Variants in MAN1A1 observed in about 807,000 individuals in gnomAD.
MAN1A1 encodes mannosyl-oligosaccharide 1,2-alpha-mannosidase IA.
Under a neutral mutation model 70.8 loss-of-function variants are expected in MAN1A1, and 29 were observed. That is an observed-to-expected ratio of 0.41 (90% confidence interval 0.31 to 0.56). The LOEUF is 0.56. Among genes scored for constraint, MAN1A1 ranks in the 20% least tolerant of loss-of-function variants. The probability of loss-of-function intolerance (pLI) is 0.29; values close to 1 mark genes in which losing one functional copy is unlikely to be tolerated. For synonymous variants in MAN1A1, 349 were observed against 330.1 expected (o/e 1.06, Z -0.62); for missense variants, 747 against 841.3 (o/e 0.89, Z 1.39).
chr6:119,235,534 G>A (rs1261749421), intron 6 of MAN1A1, among the ~76,000 whole-genome samples: 2 of 152,160 alleles, frequency 1.3e-5, no homozygotes, highest in African/African-American at 4.8e-5. Context: ...AGCAGAGGTT[G>A]GTTCATGAAG....
intron 7 of MAN1A1, among the ~76,000 whole-genome samples, chr6:119,202,875 C>T (rs1773752410): frequency 6.6e-6 from 1 of 152,128 alleles, no homozygotes; most frequent in East Asian, 1.9e-4. Flanking sequence ...TATGCTGAAA[C>T]CCTACTTCCC....
chr6:119,320,090 C>G (rs1772966242), intron 2 of MAN1A1, among the ~76,000 whole-genome samples: 1 of 152,124 alleles, frequency 6.6e-6, no homozygotes, highest in South Asian at 2.1e-4. Context: ...TCTTCTGCTT[C>G]AGCCTCCCAA....
intron 11 of MAN1A1, among the ~76,000 whole-genome samples, chr6:119,187,322 C>T (rs1369863073): frequency 6.6e-6 from 1 of 152,076 alleles, no homozygotes; most frequent in Non-Finnish European, 1.5e-5. Flanking sequence ...CAAAACAATT[C>T]CCTATCACCA....
chr6:119,185,939 G>A (rs1379146142), intron 11 of MAN1A1, among the ~76,000 whole-genome samples: 2 of 151,008 alleles, frequency 1.3e-5, no homozygotes, highest in Non-Finnish European at 2.9e-5. Flanking sequence ...GAGAAGAGAG[G>A]TTCACACTAT....
intron 4 of MAN1A1, among the ~76,000 whole-genome samples, chr6:119,294,136 G>A (rs1772132211): frequency 6.6e-6 from 1 of 151,750 alleles, no homozygotes; most frequent in Non-Finnish European, 1.5e-5. Context: ...ATTTCTCAAG[G>A]GCTTAAAAAT....
intron 5 of MAN1A1, among the ~76,000 whole-genome samples, chr6:119,274,125 T>C (rs1292472399): frequency 6.6e-6 from 1 of 152,216 alleles, no homozygotes; most frequent in Non-Finnish European, 1.5e-5. Flanking sequence ...AGTTTAATCT[T>C]AGAAGCACTG....
chr6:119,244,544 A>G (rs1044553493), intron 6 of MAN1A1, among the ~76,000 whole-genome samples: 4 of 152,092 alleles, frequency 2.6e-5, no homozygotes, highest in Admixed American at 1.3e-4. Context: ...AAGACAATTA[A>G]AATTTTTTTT....
At chr6:119,270,597 T>C (rs1164488156) in intron 5 of MAN1A1, among the ~76,000 whole-genome samples, 1 of 152,184 alleles carries the variant, frequency 6.6e-6, no homozygotes, top group Non-Finnish European at 1.5e-5. Flanking sequence ...TTGGACATCA[T>C]ACAGTATTTA....
chr6:119,317,493 C>A (rs1260028496), intron 2 of MAN1A1, among the ~76,000 whole-genome samples: 1 of 152,114 alleles, frequency 6.6e-6, no homozygotes, highest in Non-Finnish European at 1.5e-5. Context: ...ATATTGTAGC[C>A]ATGTTACTTC....
In MAN1A1 at chr6:119,193,901, A is replaced by G. The variant is rs759048839; in HGVS notation, c.1211-9T>C. 7 of 1,557,600 alleles carry G rather than the reference A, an allele frequency of 4.5e-6. No individual in the cohort carries two copies. The highest frequency in any genetic ancestry group is 6.2e-6 in the Non-Finnish European group (7 of 1,131,282). The stretch of plus-strand genomic sequence containing the variant: ...TCCAACTGATACATGATCTGGAAAG[A>G]GAGGGAAATGAATTTTAGAGTGATT... On this transcript the variant is annotated splice_polypyrimidine_tract_variant and intron_variant, in intron 8 of 12. Transcript: ENST00000368468.
At chr6:119,284,207 G>A (rs1776298428) in intron 5 of MAN1A1, among the ~76,000 whole-genome samples, 1 of 152,138 alleles carries the variant, frequency 6.6e-6, no homozygotes, top group Non-Finnish European at 1.5e-5. Context: ...CTGCTGAAGG[G>A]ATACTTGATT....
intron 6 of MAN1A1, among the ~76,000 whole-genome samples, chr6:119,237,837 A>G (rs1224041730): frequency 1.3e-5 from 2 of 152,218 alleles, no homozygotes; most frequent in Non-Finnish European, 2.9e-5. Context: ...ATGGCTGGGT[A>G]GCATGCTACA....
At chr6:119,184,996 C>T (rs1349597736) in intron 11 of MAN1A1, among the ~76,000 whole-genome samples, 1 of 152,032 alleles carries the variant, frequency 6.6e-6, no homozygotes, top group Admixed American at 6.5e-5. Context: ...TCAAGTGATC[C>T]TCCCTCTTCA....
chr6:119,193,568 A>G (rs529735594), intron 9 of MAN1A1, among the ~76,000 whole-genome samples: 1 of 152,348 alleles, frequency 6.6e-6, no homozygotes, highest in East Asian at 1.9e-4. Flanking sequence ...TGAGGTTTAA[A>G]CCATGCAAAA....
At chr6:119,183,414 T>C (rs1773204836) in intron 11 of MAN1A1, among the ~76,000 whole-genome samples, 1 of 151,978 alleles carries the variant, frequency 6.6e-6, no homozygotes, top group Non-Finnish European at 1.5e-5. Flanking sequence ...TCCTTTTTTT[T>C]TGACAAAGAG....
At chr6:119,205,126 G>A (rs1025915896) in intron 6 of MAN1A1, among the ~76,000 whole-genome samples, 2 of 152,170 alleles carry the variant, frequency 1.3e-5, no homozygotes, top group African/African-American at 4.8e-5. Context: ...TGCTGTTGGT[G>A]AACACACAAA....
At chr6:119,260,299 A>G (rs1483855814) in intron 5 of MAN1A1, among the ~76,000 whole-genome samples, 1 of 152,218 alleles carries the variant, frequency 6.6e-6, no homozygotes, top group Non-Finnish European at 1.5e-5. Context: ...TTTCTGTAAC[A>G]TCTTTTTAAA....
chr6:119,204,945 T>C (rs1404145972), intron 6 of MAN1A1, 63 bp from the exon 7 acceptor site: 4 of 1,558,894 alleles, frequency 2.6e-6, no homozygotes, highest in South Asian at 2.3e-5. Context: ...ACTATCTAAA[T>C]AGCAGACATG....
At chr6:119,243,527 A>G (rs1775068302) in intron 6 of MAN1A1, among the ~76,000 whole-genome samples, 1 of 152,050 alleles carries the variant, frequency 6.6e-6, no homozygotes, top group Admixed American at 6.6e-5. Context: ...ATATTTAAAC[A>G]TTTTATACCA....
Sources: gnomAD v4.1 joint callset for allele counts (sites outside exome capture counted in the v4.1 genomes callset) on GRCh38, gnomAD v4.1.1 for gene constraint, MANE v1.5 for transcripts, NCBI Gene and HGNC (gene_info 2026-07-23, HGNC 2026-07-21) for gene names.